PLD5: variants seen among roughly 807,000 people sequenced by gnomAD.
The protein encoded by PLD5 is inactive phospholipase D5.
Under a neutral mutation model 61.1 loss-of-function variants are expected in PLD5, and 36 were observed. That is an observed-to-expected ratio of 0.59 (90% CI 0.45 to 0.78). PLD5 has a LOEUF of 0.78. PLD5 is among the 30% of genes least tolerant of loss of function. PLD5 has a pLI of 0.00. For synonymous variants in PLD5, 243 were observed against 242.8 expected (o/e 1.00, Z -0.01); for missense variants, 515 against 644.4 (o/e 0.80, Z 2.17).
chr1:242,464,541 C>G (rs1264111149), intron 1 of PLD5, among the ~76,000 whole-genome samples: 1 of 152,184 alleles, frequency 6.6e-6, no homozygotes, highest in Non-Finnish European at 1.5e-5. Flanking sequence ...TGAGGAAACC[C>G]TCATTCTCTC....
intron 5 of PLD5, among the ~76,000 whole-genome samples, chr1:242,129,202 C>T (rs918204902): frequency 6.6e-6 from 1 of 152,144 alleles, no homozygotes; most frequent in Non-Finnish European, 1.5e-5. Context: ...TTTCCCCTGT[C>T]GCATAAACTA....
Position 242,124,584 on chromosome 1 carries a change from A to G in PLD5, c.817T>C (p.Leu273=). 1 of 1,613,980 alleles carries G rather than the reference A, an allele frequency of 6.2e-7. No homozygotes were observed. Among genetic ancestry groups the G allele is most frequent in the South Asian group, 1.1e-5 (1 of 91,076 alleles). The part of the protein sequence containing the change: ...LQRIFALYSS[L]KFKSRVPQTW... ...TGAGGCACTCTGCTTTTGAATTTTA[A>G]TGAACTATATAGAGCAAATATCCTT... Residue 273 remains leucine (L), a synonymous_variant, in exon 6 of 10, where the codon TTA becomes CTA. Coordinates refer to ENST00000536534, the MANE Select transcript of PLD5 (RefSeq NM_001372062.1).
intron 2 of PLD5, among the ~76,000 whole-genome samples, chr1:242,322,877 G>T (rs1445231846): frequency 1.3e-5 from 2 of 151,876 alleles, no homozygotes; most frequent in African/African-American, 4.8e-5. Context: ...TATAGCAGTG[G>T]ACTAATACAT....
At chr1:242,516,855 C>T (rs1487446755) in intron 1 of PLD5, among the ~76,000 whole-genome samples, 4 of 152,160 alleles carry the variant, frequency 2.6e-5, no homozygotes, top group Non-Finnish European at 4.4e-5. Context: ...CACACACAAA[C>T]TTGTTGACAT....
At chr1:242,470,379 A>G (rs949459321) in intron 1 of PLD5, among the ~76,000 whole-genome samples, 4 of 67,936 alleles carry the variant, frequency 5.9e-5, no homozygotes, top group African/African-American at 2.2e-4. Flanking sequence ...AGAAAGAAAG[A>G]AAAAAAAGAA....
intron 1 of PLD5, among the ~76,000 whole-genome samples, chr1:242,376,247 TTA>T (rs1292807779): frequency 6.6e-6 from 1 of 152,128 alleles, no homozygotes; most frequent in African/African-American, 2.4e-5. Flanking sequence ...GCCTTCCTTA[TTA>T]GATTCCTGGC....
chr1:242,507,249 A>T (rs1009075126), intron 1 of PLD5, among the ~76,000 whole-genome samples: 5 of 152,224 alleles, frequency 3.3e-5, no homozygotes, highest in African/African-American at 1.2e-4. Context: ...TGGGGATTTA[A>T]TGTATTTGGT....
At chr1:242,164,403 TAAAAAA>T (rs34240432) in intron 5 of PLD5, among the ~76,000 whole-genome samples, 1 of 149,706 alleles carries the variant, frequency 6.7e-6, no homozygotes, top group African/African-American at 2.5e-5. Context: ...TGACAAATAT[TAAAAAA>T]AAAAAAATCT....
intron 1 of PLD5, among the ~76,000 whole-genome samples, chr1:242,420,841 A>C (rs1665096535): frequency 6.6e-6 from 1 of 152,182 alleles, no homozygotes; most frequent in African/African-American, 2.4e-5. Context: ...TCTTCAAAAA[A>C]TGCATGTCCA....
rs1002394045 is a variant in PLD5 at position 242,223,656 on chromosome 1, T to A, written c.608-3541A>T. On this transcript the variant is annotated intron_variant, in intron 4 of 9. Coordinates refer to ENST00000536534, the MANE Select transcript of PLD5 (RefSeq NM_001372062.1). ...TTTCTCTATTTTAGGACACGATAAA[T>A]TCCTGTATGTGGTATAAGAAAATCC... 2.6e-5 allele frequency among the ~76,000 whole-genome samples: 4 copies of A among 152,320 alleles called. No homozygotes were observed. In the East Asian group the frequency reaches 7.7e-4, roughly 29 times the overall value.
the PLD5 span, among the ~76,000 whole-genome samples, chr1:242,530,542 T>C: frequency 6.6e-6 from 1 of 152,194 alleles, no homozygotes; most frequent in Non-Finnish European, 1.5e-5. Context: ...GGCACTTCAT[T>C]TGGCCTTTGT....
At chr1:242,306,814 T>TG (rs1676393307) in intron 2 of PLD5, among the ~76,000 whole-genome samples, 1 of 1,204 alleles carries the variant, frequency 8.3e-4, no homozygotes, top group Non-Finnish European at 2.1e-3. Context: ...AAACAAACTC[T>TG]TTGTAGGTAC....
At chr1:242,499,845 A>G (rs1668496081) in intron 1 of PLD5, among the ~76,000 whole-genome samples, 1 of 152,138 alleles carries the variant, frequency 6.6e-6, no homozygotes, top group Non-Finnish European at 1.5e-5. Context: ...TCCACTTGGG[A>G]AGACTTAAGT....
rs926117079 is a variant in PLD5 at position 242,083,707 on chromosome 1, ACTAT to A, written c.*6143_*6146del. On this transcript the variant is annotated 3_prime_UTR_variant, in exon 10 of 10. Transcript: ENST00000536534. ...AAGAAGCAGCTAATCTTCACTTTTAACTATTAAGTGAAATTGTAGATTACGCTCT... is the reference window on the plus strand; with the variant it reads ...AAGAAGCAGCTAATCTTCACTTTTAATAAGTGAAATTGTAGATTACGCTCT... 5.2e-4 allele frequency: 79 copies of A among 152,162 alleles called. No individual in the cohort carries two copies. The highest frequency in any genetic ancestry group is 1.8e-3 in the African/African-American group (74 of 41,434). 9.4% of individuals were successfully genotyped at this position (152,162 alleles called of 1,614,324 possible).
At chr1:242,168,748 C>T (rs1464181560) in intron 5 of PLD5, among the ~76,000 whole-genome samples, 3 of 150,742 alleles carry the variant, frequency 2.0e-5, no homozygotes, top group African/African-American at 4.9e-5. Context: ...ATGAAGTATG[C>T]GTTTTAAAAT....
At chr1:242,373,351 A>G (rs1392890178) in intron 1 of PLD5, among the ~76,000 whole-genome samples, 2 of 152,168 alleles carry the variant, frequency 1.3e-5, no homozygotes, top group African/African-American at 2.4e-5. Flanking sequence ...CACTGTTGGT[A>G]GGACTGTAAA....
chr1:242,105,284 T>C (rs1660964186), intron 8 of PLD5, among the ~76,000 whole-genome samples: 1 of 151,212 alleles, frequency 6.6e-6, no homozygotes, highest in African/African-American at 2.4e-5. Context: ...AATGCAGTGG[T>C]GCAATCTCGG....
intron 1 of PLD5, among the ~76,000 whole-genome samples, chr1:242,494,143 C>CCCCTCTCCTT (rs1194228390): frequency 2.2e-5 from 3 of 133,504 alleles, no homozygotes; most frequent in African/African-American, 8.5e-5. Flanking sequence ...CCCCTCTCCT[C>CCCCTCTCCTT]TCTCGATTCT....
intron 9 of PLD5, among the ~76,000 whole-genome samples, chr1:242,096,052 G>A (rs1032949578): frequency 6.6e-6 from 1 of 151,690 alleles, no homozygotes; most frequent in East Asian, 1.9e-4. Flanking sequence ...TCCGCCTCCC[G>A]AGTTCATGCC....
Sources: gnomAD v4.1 joint callset for allele counts (sites outside exome capture counted in the v4.1 genomes callset) on GRCh38, gnomAD v4.1.1 for gene constraint, MANE v1.5 for transcripts, NCBI Gene and HGNC (gene_info 2026-07-23, HGNC 2026-07-21) for gene names.